Variants in MEF2A observed in about 807,000 individuals in gnomAD.
The protein encoded by MEF2A is myocyte enhancer factor 2A.
In MEF2A, 28 loss-of-function variants were observed where a neutral mutation model predicts 55.8. The observed-to-expected ratio is 0.50, with a 90% confidence interval of 0.37 to 0.69. The LOEUF (loss-of-function observed/expected upper bound fraction) is 0.69, where lower values mean the gene tolerates loss of function less well. MEF2A is among the 30% of genes least tolerant of loss of function. The pLI, the probability that MEF2A is intolerant of heterozygous loss-of-function variation, is 0.00. For synonymous variants in MEF2A, 239 were observed against 227.1 expected (o/e 1.05, Z -0.47); for missense variants, 528 against 626.2 (o/e 0.84, Z 1.67).
chr15:99,655,490 A>G (rs2047555014), intron 4 of MEF2A, among the ~76,000 whole-genome samples: 1 of 152,178 alleles, frequency 6.6e-6, no homozygotes, highest in East Asian at 1.9e-4. Flanking sequence ...GGCATTGGGC[A>G]GCCTTTAGAG....
chr15:99,658,995 T>C (rs1220819113), intron 4 of MEF2A, among the ~76,000 whole-genome samples: 2 of 152,092 alleles, frequency 1.3e-5, no homozygotes, highest in Non-Finnish European at 2.9e-5. Flanking sequence ...CAGCATCTAG[T>C]AGGGTGCTTT....
intron 3 of MEF2A, among the ~76,000 whole-genome samples, chr15:99,640,698 C>T (rs748384845): frequency 6.6e-6 from 1 of 151,590 alleles, no homozygotes; most frequent in Non-Finnish European, 1.5e-5. Context: ...CATGGGTATG[C>T]GCACCATGCC....
At chr15:99,601,956 C>G (rs1180959424) in intron 2 of MEF2A, among the ~76,000 whole-genome samples, 1 of 151,828 alleles carries the variant, frequency 6.6e-6, no homozygotes, top group Non-Finnish European at 1.5e-5. Flanking sequence ...TGGTAGAATT[C>G]ACCAATGAAG....
intron 1 of MEF2A, among the ~76,000 whole-genome samples, chr15:99,590,014 T>C (rs1168094061): frequency 6.6e-6 from 1 of 152,122 alleles, no homozygotes; most frequent in Non-Finnish European, 1.5e-5. Context: ...AGGTGGTTTA[T>C]AGTGTTGTTC....
In MEF2A at chr15:99,675,888, A is replaced by C. The variant is rs991890954; in HGVS notation, c.670+430A>C. Reference sequence around the variant, plus strand: ...CCCTGTCTCTACTAAAATACAAAAAAATTTAGCTGGGCGTGGCAGTGTGCA... The same window carrying C: ...CCCTGTCTCTACTAAAATACAAAAACATTTAGCTGGGCGTGGCAGTGTGCA... On this transcript the variant is annotated intron_variant, in intron 7 of 11. Transcript: ENST00000557942. Among the ~76,000 whole-genome samples, 39 of 152,052 alleles carry C rather than the reference A, an allele frequency of 2.6e-4. 1 individual carries two copies. Among genetic ancestry groups the C allele is most frequent in the Non-Finnish European group, 1.5e-5 (1 of 68,006 alleles).
intron 4 of MEF2A, among the ~76,000 whole-genome samples, chr15:99,665,731 CAAAAAAAAAAA>C (rs752473261): frequency 2.0e-4 from 4 of 20,254 alleles, no homozygotes; most frequent in South Asian, 2.0e-3. Flanking sequence ...CTTAAATTTA[CAAAAAAAAAAA>C]AAAAAAAAAA....
At chr15:99,628,892 A>G (rs753573668) in intron 2 of MEF2A, among the ~76,000 whole-genome samples, 4 of 150,892 alleles carry the variant, frequency 2.7e-5, no homozygotes, top group African/African-American at 4.9e-5. Flanking sequence ...AGTCCCTTCA[A>G]TATTTCCTGA....
intron 1 of MEF2A, among the ~76,000 whole-genome samples, chr15:99,597,396 T>A (rs1179709661): frequency 6.6e-6 from 1 of 152,118 alleles, no homozygotes; most frequent in East Asian, 1.9e-4. Flanking sequence ...TCCCGCCTAA[T>A]AAATTTTGGT....
chr15:99,625,430 T>A (rs1048267196), intron 2 of MEF2A, among the ~76,000 whole-genome samples: 2 of 152,138 alleles, frequency 1.3e-5, no homozygotes, highest in African/African-American at 4.8e-5. Flanking sequence ...AAAACAGATA[T>A]TTATACTCCT....
At chr15:99,597,197 A>G (rs969194472) in intron 1 of MEF2A, among the ~76,000 whole-genome samples, 1 of 152,184 alleles carries the variant, frequency 6.6e-6, no homozygotes, top group African/African-American at 2.4e-5. Flanking sequence ...TTCTTTCAAA[A>G]GCAAATGGGA....
intron 2 of MEF2A, among the ~76,000 whole-genome samples, chr15:99,605,111 A>T (rs745793561): frequency 1.3e-5 from 2 of 151,578 alleles, no homozygotes; most frequent in African/African-American, 4.8e-5. Flanking sequence ...ACACCCAGCT[A>T]TTTTTTTTGT....
chr15:99,653,102 A>G (rs1053249580), intron 4 of MEF2A, among the ~76,000 whole-genome samples: 1 of 152,206 alleles, frequency 6.6e-6, no homozygotes, highest in Non-Finnish European at 1.5e-5. Flanking sequence ...TTATACTGCT[A>G]TTCAAGCCAG....
rs149163669 is a variant in MEF2A, at chr15:99,705,022, C to T, written c.882+1637C>T. 4.3e-3 allele frequency among the ~76,000 whole-genome samples: 656 copies of T among 152,224 alleles called. 4 individuals are homozygous for T. Among genetic ancestry groups the T allele is most frequent in the African/African-American group, 0.014 (598 of 41,528 alleles). On this transcript the variant is annotated intron_variant, in intron 9 of 11. Transcript: ENST00000557942. ...TTTAAAACTTAATCAATTAAAAATG[C>T]AGAACTTTATGTGCCAGAACCAAAA...
At position 99,567,679 on chromosome 15, in the gene MEF2A, C is replaced by T. The variant is rs149816811; in HGVS notation, c.-225+1575C>T. Among the ~76,000 whole-genome samples, 483 of 145,546 alleles carry T rather than the reference C, an allele frequency of 3.3e-3. 4 individuals are homozygous for T. The highest frequency in any genetic ancestry group is 0.013 in the African/African-American group (461 of 36,374). On this transcript the variant is annotated intron_variant, in intron 1 of 11. Transcript: ENST00000557942. ...TGTGTGTGTGTATTTTTGGAGAGCT[C>T]AGTCTCCATTTCTTTTTCTGTAAAT...
intron 3 of MEF2A, among the ~76,000 whole-genome samples, chr15:99,638,804 A>G (rs994277601): frequency 1.3e-5 from 2 of 152,096 alleles, no homozygotes; most frequent in East Asian, 1.9e-4. Context: ...TTTGTTCTCA[A>G]TTATACGATG....
chr15:99,653,299 C>T (rs995768642), intron 4 of MEF2A, among the ~76,000 whole-genome samples: 6 of 152,140 alleles, frequency 3.9e-5, no homozygotes, highest in Admixed American at 2.0e-4. Context: ...AAAGAGACAG[C>T]TGTATAGTTT....
intron 8 of MEF2A, among the ~76,000 whole-genome samples, chr15:99,702,433 T>C (rs1326715827): frequency 6.6e-6 from 1 of 150,450 alleles, no homozygotes; most frequent in Non-Finnish European, 1.5e-5. Context: ...ATGTTTCTTT[T>C]TTTTTTTTTT....
At chr15:99,577,037 G>A (rs1290983379) in intron 1 of MEF2A, among the ~76,000 whole-genome samples, 3 of 152,168 alleles carry the variant, frequency 2.0e-5, no homozygotes, top group Admixed American at 6.5e-5. Context: ...CCTAATGTTG[G>A]CGTTGCTGTT....
chr15:99,652,605 G>A lies in MEF2A; in HGVS notation c.258+6841G>A, dbSNP rs1470437810. ...AAGTGTCACTGTAGTATACTGTGAAGAGTGGAATAGCTAAGACCTGAGAAG... is the reference window on the plus strand; with the variant it reads ...AAGTGTCACTGTAGTATACTGTGAAAAGTGGAATAGCTAAGACCTGAGAAG... On this transcript the variant is annotated intron_variant, in intron 4 of 11. Transcript: ENST00000557942. Among the ~76,000 whole-genome samples, 3 of 152,212 alleles carry A rather than the reference G, an allele frequency of 2.0e-5. No individual in the cohort carries two copies. The East Asian group carries it at 5.8e-4, about 29-fold the overall frequency.
Sources: allele counts gnomAD v4.1 joint callset (sites outside exome capture counted in the v4.1 genomes callset), GRCh38; gene constraint gnomAD v4.1.1; transcripts MANE v1.5; gene names NCBI Gene and HGNC (gene_info 2026-07-23, HGNC 2026-07-21).